WDR70: variants seen among roughly 807,000 people sequenced by gnomAD.
WDR70 encodes the protein WD repeat-containing protein 70.
WDR70 carries 53 observed loss-of-function variants against 88.6 expected under a neutral mutation model. The observed-to-expected ratio is 0.60, with a 90% CI of 0.48 to 0.75. The LOEUF (loss-of-function observed/expected upper bound fraction) is 0.75, where lower values mean the gene tolerates loss of function less well. WDR70 is among the 30% of genes least tolerant of loss of function. The pLI is 0.00. For synonymous variants in WDR70, 280 were observed against 270.0 expected (o/e 1.04, Z -0.36); for missense variants, 610 against 823.2 (o/e 0.74, Z 3.17).
chr5:37,506,989 T>G, intron 8 of WDR70: 1 of 584,066 alleles, frequency 1.7e-6, no homozygotes, highest in Non-Finnish European at 3.2e-6. Flanking sequence ...CTTCCTGCCC[T>G]TGGGGACACA....
At chr5:37,719,990 G>A (rs1048052372) in intron 13 of WDR70, among the ~76,000 whole-genome samples, 17 of 151,918 alleles carry the variant, frequency 1.1e-4, no homozygotes, top group Non-Finnish European at 1.6e-4. Flanking sequence ...CTACAGGCGC[G>A]TGCCACCATG....
At chr5:37,641,706 C>T (rs919388811) in intron 10 of WDR70, among the ~76,000 whole-genome samples, 6 of 152,034 alleles carry the variant, frequency 3.9e-5, no homozygotes, top group Non-Finnish European at 7.4e-5. Flanking sequence ...CATGAGTCAC[C>T]GCACCTGGCC....
intron 6 of WDR70, among the ~76,000 whole-genome samples, chr5:37,440,922 C>T (rs1421439207): frequency 6.6e-6 from 1 of 152,148 alleles, no homozygotes; most frequent in African/African-American, 2.4e-5. Context: ...TTTTAGTTCT[C>T]CTTTCTTTTA....
Position 37,635,853 on chromosome 5 carries a change from G to A in WDR70, c.1092+30615G>A, listed in dbSNP as rs576972832. 2.4e-3 allele frequency among the ~76,000 whole-genome samples: 370 copies of A among 152,168 alleles called. 4 individuals are homozygous for A. Among genetic ancestry groups the A allele is most frequent in the African/African-American group, 8.5e-3 (353 of 41,532 alleles). On this transcript the variant is annotated intron_variant, in intron 10 of 17. Transcript: ENST00000265107. ...GGTGGGAGGTAATTTAATCATGCGC[G>A]CGGTTATCCTCATGCTGTTCCTGTG... is the stretch of plus-strand genomic sequence containing the variant.
intron 7 of WDR70, among the ~76,000 whole-genome samples, chr5:37,447,038 C>T (rs1483935008): frequency 6.6e-6 from 1 of 152,016 alleles, no homozygotes; most frequent in African/African-American, 2.4e-5. Context: ...TGCAACCTAC[C>T]CATCTGACAA....
At chr5:37,588,632 A>G (rs796345852) in intron 9 of WDR70, among the ~76,000 whole-genome samples, 1 of 152,094 alleles carries the variant, frequency 6.6e-6, no homozygotes, top group African/African-American at 2.4e-5. Context: ...GCTGGAGTGC[A>G]GCAGTGCCAT....
At chr5:37,439,038 C>T (rs1241379970) in intron 6 of WDR70, among the ~76,000 whole-genome samples, 1 of 152,028 alleles carries the variant, frequency 6.6e-6, no homozygotes, top group African/African-American at 2.4e-5. Context: ...CTGCCTCAGC[C>T]TCCTGAGTAG....
At chr5:37,512,354 T>A (rs953351381) in intron 8 of WDR70, among the ~76,000 whole-genome samples, 1 of 152,066 alleles carries the variant, frequency 6.6e-6, no homozygotes, top group South Asian at 2.1e-4. Flanking sequence ...CCCAAATAAC[T>A]GGGACTACAG....
intron 10 of WDR70, among the ~76,000 whole-genome samples, chr5:37,644,829 T>A (rs1294511267): frequency 6.6e-6 from 1 of 151,952 alleles, no homozygotes; most frequent in Middle Eastern, 3.2e-3. Flanking sequence ...GCTCCTTTTT[T>A]ATTTCTAATT....
At chr5:37,660,353 A>G (rs6863936) in intron 10 of WDR70, among the ~76,000 whole-genome samples, 71,004 of 151,866 alleles carry the variant, frequency 0.47, 18,145 homozygotes, top group Non-Finnish European at 0.58. Context: ...ATGTCAGCCT[A>G]TATCTATTGA....
chr5:37,682,583 C>T (rs1443151738), intron 10 of WDR70, among the ~76,000 whole-genome samples: 1 of 152,114 alleles, frequency 6.6e-6, no homozygotes, highest in African/African-American at 2.4e-5. Flanking sequence ...AAATTTCCTT[C>T]TTAACACTGC....
At chr5:37,721,019 A>G (rs1384288597) in intron 13 of WDR70, 96 bp from the exon 14 acceptor site, 4 of 979,948 alleles carry the variant, frequency 4.1e-6, no homozygotes, top group African/African-American at 1.6e-5. Flanking sequence ...CATCAGGATG[A>G]TATTTGATAT....
chr5:37,456,576 T>C (rs1738847814), intron 7 of WDR70, among the ~76,000 whole-genome samples: 1 of 152,226 alleles, frequency 6.6e-6, no homozygotes, highest in African/African-American at 2.4e-5. Context: ...AATTTATGTA[T>C]TTGTGTTTTT....
intron 9 of WDR70, among the ~76,000 whole-genome samples, chr5:37,520,338 T>C (rs1409936963): frequency 6.6e-6 from 1 of 152,076 alleles, no homozygotes; most frequent in Non-Finnish European, 1.5e-5. Context: ...ATTTAAAAAA[T>C]TAATTTGATC....
At position 37,466,705 on chromosome 5, in the gene WDR70, C is replaced by CAAA. The variant is rs796359494; in HGVS notation, c.687-13100_687-13098dup. Among the ~76,000 whole-genome samples, 28 of 65,540 alleles carry CAAA rather than the reference C, an allele frequency of 4.3e-4. 2 individuals carry two copies. Among genetic ancestry groups the CAAA allele is most frequent in the African/African-American group, 1.7e-3 (26 of 14,996 alleles). The allele number at this position is 65,540 out of a possible 152,430, so 43.0% of individuals were successfully genotyped here. A position where few individuals can be genotyped will look rare whatever the true frequency, so the allele number is the denominator to read the frequency against. ...TGGGCGACAGAGCGAGACTCCATCTCAAAAAAAAAAAAAAAAAAAAAAAAA... is the reference window on the plus strand; with the variant it reads ...TGGGCGACAGAGCGAGACTCCATCTCAAAAAAAAAAAAAAAAAAAAAAAAAAAA... On this transcript the variant is annotated intron_variant, in intron 7 of 17. Transcript: ENST00000265107.
intron 7 of WDR70, among the ~76,000 whole-genome samples, chr5:37,462,666 ATAC>A (rs1739044790): frequency 6.6e-6 from 1 of 152,132 alleles, no homozygotes; most frequent in Non-Finnish European, 1.5e-5. Context: ...TACTAAACAT[ATAC>A]TAACTTGTAG....
rs539476871 is a variant in WDR70 at position 37,379,581 on chromosome 5, C to G, written c.91+27C>G. ...TGAGTGACTGCCCCAGGCAGAGACCCTCTTCCTTGTGCAGAGGTTTGAAGA... is the reference window on the plus strand; with the variant it reads ...TGAGTGACTGCCCCAGGCAGAGACCGTCTTCCTTGTGCAGAGGTTTGAAGA... On this transcript the variant is annotated intron_variant, in intron 2 of 17. Transcript: ENST00000265107. 16 of 1,613,092 alleles carry G rather than the reference C, an allele frequency of 9.9e-6. No individual in the cohort carries two copies. In the Admixed American group the frequency reaches 1.7e-4, roughly 17 times the overall value.
rs949173302 is a variant in WDR70, at chr5:37,587,775, A to G, written c.918-17289A>G. Reference sequence around the variant, plus strand: ...TGATTTCTGTGAAGGCAAAAGCCCTATTCTTTTTTTTTTTTTTTTTTTGAG... The same window carrying G: ...TGATTTCTGTGAAGGCAAAAGCCCTGTTCTTTTTTTTTTTTTTTTTTTGAG... On this transcript the variant is annotated intron_variant, in intron 9 of 17. Transcript: ENST00000265107. Among the ~76,000 whole-genome samples the G allele has an allele frequency of 2.3e-5, 3 of 129,796 alleles. No individual in the cohort carries two copies. In the Admixed American group the frequency reaches 2.5e-4, roughly 11 times the overall value. 85.2% of individuals were successfully genotyped at this position (129,796 alleles called of 152,430 possible). A position where few individuals can be genotyped will look rare whatever the true frequency, so the allele number is the denominator to read the frequency against.
chr5:37,457,827 TAC>T (rs1738891473), intron 7 of WDR70, among the ~76,000 whole-genome samples: 1 of 152,216 alleles, frequency 6.6e-6, no homozygotes, highest in Non-Finnish European at 1.5e-5. Context: ...GAATGATTTT[TAC>T]AGTTTTAAAG....
Sources: gnomAD v4.1 joint callset for allele counts (sites outside exome capture counted in the v4.1 genomes callset) on GRCh38, gnomAD v4.1.1 for gene constraint, MANE v1.5 for transcripts, NCBI Gene and HGNC (gene_info 2026-07-23, HGNC 2026-07-21) for gene names.